The following BEND3 variants were observed in gnomAD, a reference collection of about 807,000 sequenced individuals.
BEND3 encodes BEN domain containing 3.
BEND3 carries 13 observed loss-of-function variants against 60.1 expected under a neutral mutation model. The ratio of observed to expected loss-of-function variants is 0.22; its 90% confidence interval spans 0.14 to 0.34. The LOEUF is 0.34. BEND3 is among the 10% of genes least tolerant of loss of function. The pLI is 1.00. For missense variants in BEND3, 896 were observed against 1,138.1 expected (o/e 0.79, Z 3.06); for synonymous variants, 497 against 491.5 (o/e 1.01, Z -0.15).
rs1774961931 is a variant in BEND3 at position 107,070,826 on chromosome 6, G to A, written c.365C>T (p.Ala122Val). 4 of 1,613,958 alleles carry A rather than the reference G, an allele frequency of 2.5e-6. No homozygotes were observed. The highest frequency in any genetic ancestry group is 3.4e-6 in the Non-Finnish European group (4 of 1,180,020). ...AGGCTTCTTGTAGGAAGGGGTGGTG[G>A]CATCGTTGCAGGGCTCCTCCTCTCC... ...WPGEEEPCND[A>V]TTPSYKKPLY... Residue 122 changes from alanine to valine, a missense_variant, in exon 4 of 4, where the codon GCC becomes GTC. Ala to Val is a moderately conservative substitution (Grantham distance 64). Transcript: ENST00000369042. The surrounding 1 kb of genome is among the most constrained non-coding windows in gnomAD (Gnocchi z 6.9).
chr6:107,114,896 C>A (rs1301953842), intron 1 of BEND3, among the ~76,000 whole-genome samples, 194 bp downstream of exon 1: 1 of 149,376 alleles, frequency 6.7e-6, no homozygotes, highest in African/African-American at 2.4e-5. Flanking sequence ...CCGGCGCCCG[C>A]TCCGGTCGCT....
intron 3 of BEND3, among the ~76,000 whole-genome samples, chr6:107,084,638 A>G (rs1035780900): frequency 2.0e-5 from 3 of 152,054 alleles, no homozygotes; most frequent in Admixed American, 6.6e-5. Flanking sequence ...GTGTCTAGCT[A>G]AAGGACTGTA....
intron 3 of BEND3, among the ~76,000 whole-genome samples, chr6:107,080,243 C>T (rs1554233327): frequency 6.6e-6 from 1 of 150,848 alleles, no homozygotes. Context: ...CAAAAATTAG[C>T]CACTGGGAGG....
At chr6:107,100,048 T>A (rs940592790) in intron 1 of BEND3, among the ~76,000 whole-genome samples, 1 of 151,816 alleles carries the variant, frequency 6.6e-6, no homozygotes, top group East Asian at 1.9e-4. Flanking sequence ...AATTAAAAAA[T>A]TTTTTTGTAG....
At chr6:107,101,811 C>G (rs190612242) in intron 1 of BEND3, among the ~76,000 whole-genome samples, 8 of 152,250 alleles carry the variant, frequency 5.3e-5, no homozygotes, top group Non-Finnish European at 1.2e-4. Context: ...TGGTAGGAGG[C>G]CTCTCAAGGA....
rs1554231158 is a variant in BEND3, at chr6:107,068,428, C to G, written c.*276G>C. 2.4e-6 allele frequency: 1 copy of G among 416,880 alleles called. No homozygotes were observed. The highest frequency in any genetic ancestry group is 4.3e-6 in the Non-Finnish European group (1 of 234,060). The allele number at this position is 416,880 out of a possible 1,614,324, so 25.8% of individuals were successfully genotyped here. A position where few individuals can be genotyped will look rare whatever the true frequency, so the allele number is the denominator to read the frequency against. The stretch of plus-strand genomic sequence containing the variant: ...ACAACCAGGGAGAGAGGACCCCTAA[C>G]CTCTGGTCCCTGCCCTCACAGCTTG... On this transcript the variant is annotated 3_prime_UTR_variant, in exon 4 of 4. Coordinates refer to ENST00000369042, the MANE Select transcript of BEND3 (RefSeq NM_001367314.1). The surrounding 1 kb of genome is among the most constrained non-coding windows in gnomAD (Gnocchi z 5.8).
chr6:107,085,413 G>C (rs188184520), intron 3 of BEND3, among the ~76,000 whole-genome samples: 13 of 152,160 alleles, frequency 8.5e-5, no homozygotes, highest in Admixed American at 8.5e-4. Flanking sequence ...CTTCTGGCAG[G>C]GGGAGGGGAA....
intron 3 of BEND3, among the ~76,000 whole-genome samples, chr6:107,074,853 G>T (rs914428498): frequency 6.6e-6 from 1 of 152,172 alleles, no homozygotes; most frequent in African/African-American, 2.4e-5. Flanking sequence ...TATAATCCCA[G>T]CACTTTGGGA....
chr6:107,110,030 CA>C (rs10708512), intron 1 of BEND3, among the ~76,000 whole-genome samples: 71,905 of 125,048 alleles, frequency 0.58, 19,444 homozygotes, highest in East Asian at 0.71. Flanking sequence ...GACCCTGACT[CA>C]AAAAAAAAAA....
intron 1 of BEND3, chr6:107,113,799 A>G (rs1399863177): frequency 6.6e-6 from 1 of 152,104 alleles, no homozygotes; most frequent in Admixed American, 6.6e-5. Flanking sequence ...GCAAGGGTGG[A>G]AGTGGGGAGC....
At chr6:107,090,098 C>T (rs1254225401) in intron 3 of BEND3, among the ~76,000 whole-genome samples, 1 of 152,044 alleles carries the variant, frequency 6.6e-6, no homozygotes, top group Non-Finnish European at 1.5e-5. Flanking sequence ...TTTGTAATCC[C>T]AGCACTTTGG....
intron 1 of BEND3, among the ~76,000 whole-genome samples, chr6:107,105,833 A>G (rs1775802318): frequency 6.6e-6 from 1 of 152,190 alleles, no homozygotes; most frequent in African/African-American, 2.4e-5. Flanking sequence ...CATGCCACTC[A>G]GGGGCAAATC....
chr6:107,072,714 GT>G (rs2114997545), intron 3 of BEND3, among the ~76,000 whole-genome samples: 1 of 152,310 alleles, frequency 6.6e-6, no homozygotes, highest in East Asian at 1.9e-4. Context: ...GCTGGGCGTG[GT>G]GGCTCACGCC....
At chr6:107,100,712 A>G (rs1554236668) in intron 1 of BEND3, among the ~76,000 whole-genome samples, 1 of 152,192 alleles carries the variant, frequency 6.6e-6, no homozygotes, top group Non-Finnish European at 1.5e-5. Flanking sequence ...TAAGTCTCTG[A>G]TATCTCCGAA....
chr6:107,068,561 T>G lies in BEND3; in HGVS notation c.*143A>C, dbSNP rs1774880139. 1 of 898,052 alleles carries G rather than the reference T, an allele frequency of 1.1e-6. No individual in the cohort carries two copies. Among genetic ancestry groups the G allele is most frequent in the Admixed American group, 2.9e-5 (1 of 34,476 alleles). 55.6% of individuals were successfully genotyped at this position (898,052 alleles called of 1,614,324 possible). On this transcript the variant is annotated 3_prime_UTR_variant, in exon 4 of 4. Transcript: ENST00000369042. The surrounding 1 kb of genome is among the most constrained non-coding windows in gnomAD (Gnocchi z 5.8). ...TTGCGGTTGGGTGGGTGTTTACGTG[T>G]GCAAATGTAGTAAGCCACTCCCCAC...
chr6:107,114,922 T>C (rs1770231801), intron 1 of BEND3, among the ~76,000 whole-genome samples, 168 bp downstream of exon 1: 1 of 146,844 alleles, frequency 6.8e-6, no homozygotes, highest in Non-Finnish European at 1.5e-5. Flanking sequence ...CGCGCGGGGG[T>C]GGGCGCTACT....
At chr6:107,109,656 T>A (rs2115039513) in intron 1 of BEND3, among the ~76,000 whole-genome samples, 1 of 151,728 alleles carries the variant, frequency 6.6e-6, no homozygotes, top group South Asian at 2.1e-4. Flanking sequence ...GACGGATCAC[T>A]TGCAGTCAGG....
intron 3 of BEND3, among the ~76,000 whole-genome samples, chr6:107,071,870 G>A (rs545237802): frequency 2.6e-5 from 4 of 152,226 alleles, no homozygotes; most frequent in Non-Finnish European, 4.4e-5. Context: ...ATGGCAGGGA[G>A]AATTCGATGG....
In BEND3 at chr6:107,069,646, GTCC is replaced by G; in HGVS notation, c.1542_1544del (p.Glu514del). 6.2e-7 allele frequency: 1 copy of G among 1,610,298 alleles called. No individual in the cohort carries two copies. Among genetic ancestry groups the G allele is most frequent in the Non-Finnish European group, 8.5e-7 (1 of 1,179,998 alleles). On this transcript the variant is annotated inframe_deletion, in exon 4 of 4. Coordinates refer to ENST00000369042, the MANE Select transcript of BEND3 (RefSeq NM_001367314.1). ...GACCCGGCCGCTCGCCCTCGAAGCT[GTCC>G]TCCACCTTGACCACTGAGATGTCGT...
Sources: gnomAD v4.1 joint callset for allele counts (sites outside exome capture counted in the v4.1 genomes callset) on GRCh38, gnomAD v4.1.1 for gene constraint, Gnocchi (gnomAD v3.1) non-coding constraint, MANE v1.5 for transcripts, NCBI Gene and HGNC (gene_info 2026-07-23, HGNC 2026-07-21) for gene names.